Variants in SEM1 observed in about 807,000 individuals in gnomAD.
SEM1 encodes 26S proteasome complex subunit SEM1.
Under a neutral mutation model 12.7 loss-of-function variants are expected in SEM1, and 3 were observed. The ratio of observed to expected loss-of-function variants is 0.24; its 90% CI spans 0.11 to 0.61. The LOEUF (loss-of-function observed/expected upper bound fraction) is 0.61. SEM1 is among the 20% of genes least tolerant of loss of function. The pLI, the probability that SEM1 is intolerant of heterozygous loss-of-function variation, is 0.88. For synonymous variants in SEM1, 30 were observed against 27.8 expected (o/e 1.08, Z -0.25); for missense variants, 59 against 81.3 (o/e 0.73, Z 1.06).
At chr7:96,623,574 T>C (rs1807963024) in intron 2 of SEM1, among the ~76,000 whole-genome samples, 1 of 148,154 alleles carries the variant, frequency 6.7e-6, no homozygotes, top group Non-Finnish European at 1.5e-5. Context: ...AATATGTACT[T>C]GTTTATTATA....
intron 2 of SEM1, among the ~76,000 whole-genome samples, chr7:96,683,081 T>C (rs181183570): frequency 1.2e-3 from 178 of 151,796 alleles, no homozygotes; most frequent in African/African-American, 4.1e-3. Context: ...GATGTAGAAA[T>C]AGGAACGCTT....
At chr7:96,630,996 C>T (rs758890280) in intron 2 of SEM1, among the ~76,000 whole-genome samples, 2 of 152,178 alleles carry the variant, frequency 1.3e-5, no homozygotes, top group African/African-American at 4.8e-5. Flanking sequence ...TGTGGCTGAG[C>T]TTATCCAAGA....
At chr7:96,610,856 T>C (rs1776429917) in intron 2 of SEM1, among the ~76,000 whole-genome samples, 1 of 152,200 alleles carries the variant, frequency 6.6e-6, no homozygotes, top group Non-Finnish European at 1.5e-5. Context: ...CATCCTGAAA[T>C]ATGCTGCTTT....
At chr7:96,657,529 T>C (rs1809219160) in intron 2 of SEM1, among the ~76,000 whole-genome samples, 1 of 152,102 alleles carries the variant, frequency 6.6e-6, no homozygotes, top group Non-Finnish European at 1.5e-5. Flanking sequence ...TTCTCAGCAG[T>C]GTGGCTATTC....
At chr7:96,672,394 A>G (rs1789340669), downstream of SEM1, among the ~76,000 whole-genome samples, 1 of 152,180 alleles carries the variant, frequency 6.6e-6, no homozygotes, top group African/African-American at 2.4e-5. Context: ...CGTAGGTAGG[A>G]GAAGGCAGTC....
intron 2 of SEM1, among the ~76,000 whole-genome samples, chr7:96,635,214 C>T (rs139587927): frequency 1.4e-3 from 213 of 152,108 alleles, no homozygotes; most frequent in African/African-American, 5.0e-3. Flanking sequence ...GTGCATGATA[C>T]TAAGAAGACT....
intron 2 of SEM1, among the ~76,000 whole-genome samples, chr7:96,609,147 G>A (rs1394706021): frequency 1.3e-5 from 2 of 152,168 alleles, no homozygotes; most frequent in Non-Finnish European, 2.9e-5. Flanking sequence ...ATAAAGTGGT[G>A]TCTCATTGTA....
chr7:96,709,601 C>T (rs1247836995), intron 1 of SEM1, 87 bp downstream of exon 1: 3 of 1,303,718 alleles, frequency 2.3e-6, no homozygotes, highest in Non-Finnish European at 3.3e-6. Context: ...GCCGGTGCCC[C>T]CAGCTGGGCC....
Position 96,640,775 on chromosome 7 carries a change from C to T in SEM1, c.171-18132G>A, listed in dbSNP as rs1808565602. Among the ~76,000 whole-genome samples, 1 of 151,852 alleles carries T rather than the reference C, an allele frequency of 6.6e-6. No individual in the cohort carries two copies. The highest frequency in any genetic ancestry group is 1.5e-5 in the Non-Finnish European group (1 of 67,906). ...CATTAGCTGTAACAAATGTACCACT[C>T]TGTGGGGATGCTATAAATGAGGGAG... On this transcript the variant is annotated intron_variant, in intron 2 of 2. Coordinates refer to the SEM1 transcript ENST00000417009. The surrounding 1 kb of genome is among the most constrained non-coding windows in gnomAD (Gnocchi z 4.0).
intron 2 of SEM1, among the ~76,000 whole-genome samples, chr7:96,603,154 GCTGGGCTGC>G (rs1807242466): frequency 6.6e-6 from 1 of 152,178 alleles, no homozygotes; most frequent in Admixed American, 6.6e-5. Context: ...AAAGCAATAT[GCTGGGCTGC>G]CTGGCTTTGA....
chr7:96,627,182 G>T (rs890406222), intron 2 of SEM1, among the ~76,000 whole-genome samples: 1 of 151,798 alleles, frequency 6.6e-6, no homozygotes, highest in Non-Finnish European at 1.5e-5. Flanking sequence ...CAGAAGTTTT[G>T]TCACTTTGTT....
chr7:96,554,122 A>T (rs1299087310), intron 2 of SEM1, among the ~76,000 whole-genome samples: 1 of 150,808 alleles, frequency 6.6e-6, no homozygotes, highest in Non-Finnish European at 1.5e-5. Flanking sequence ...TTCTAGATAT[A>T]CAATCATGTC....
At chr7:96,707,628 A>AT (rs1273210676) in intron 1 of SEM1, among the ~76,000 whole-genome samples, 3 of 151,496 alleles carry the variant, frequency 2.0e-5, no homozygotes, top group Non-Finnish European at 2.9e-5. Flanking sequence ...AGAAAGAATA[A>AT]TTTTTTTTTG....
intron 1 of SEM1, among the ~76,000 whole-genome samples, chr7:96,492,758 CATGT>C (rs778213025): frequency 4.4e-4 from 42 of 94,726 alleles, no homozygotes; most frequent in South Asian, 9.6e-4. Context: ...GAATAATATT[CATGT>C]GTGTGTGTGT....
chr7:96,566,794 T>C (rs1805855326), intron 2 of SEM1, among the ~76,000 whole-genome samples: 1 of 151,708 alleles, frequency 6.6e-6, no homozygotes, highest in African/African-American at 2.4e-5. Flanking sequence ...AAATCTCTGA[T>C]ATTTGATTTC....
chr7:96,634,472 T>A (rs1808366717), intron 2 of SEM1, among the ~76,000 whole-genome samples: 1 of 151,686 alleles, frequency 6.6e-6, no homozygotes, highest in African/African-American at 2.4e-5. Context: ...TTCTAGTCAC[T>A]GAGGATACAA....
intron 2 of SEM1, among the ~76,000 whole-genome samples, chr7:96,597,680 T>G (rs1309332257): frequency 6.8e-6 from 1 of 147,224 alleles, no homozygotes; most frequent in Non-Finnish European, 1.5e-5. Context: ...ATATATGATA[T>G]ATATATATAT....
At chr7:96,575,150 T>A (rs1034421228) in intron 2 of SEM1, among the ~76,000 whole-genome samples, 2 of 152,186 alleles carry the variant, frequency 1.3e-5, no homozygotes, top group African/African-American at 4.8e-5. Flanking sequence ...GAGGTTTCTG[T>A]GTGGATGTCC....
At chr7:96,623,997 A>C (rs865896558) in intron 2 of SEM1, among the ~76,000 whole-genome samples, 1 of 152,126 alleles carries the variant, frequency 6.6e-6, no homozygotes, top group Non-Finnish European at 1.5e-5. Context: ...TTTAGGGCCC[A>C]CTGGGATAAG....
Sources: allele counts gnomAD v4.1 joint callset (sites outside exome capture counted in the v4.1 genomes callset), GRCh38; gene constraint gnomAD v4.1.1; non-coding constraint Gnocchi (gnomAD v3.1); transcripts MANE v1.5; gene names NCBI Gene and HGNC (gene_info 2026-07-23, HGNC 2026-07-21).